The following ANO7 variants were observed in gnomAD, a reference collection of about 807,000 sequenced individuals.
ANO7 encodes the protein anoctamin 7, also known as anoctamin-7.
ANO7 carries 114 observed loss-of-function variants against 115.8 expected under a neutral mutation model. The observed-to-expected ratio is 0.98, with a 90% CI of 0.85 to 1.15. The LOEUF is 1.15. Among genes scored for constraint, ANO7 ranks in the 50% most tolerant of loss-of-function variants. The pLI is 0.00. For missense variants in ANO7, 1,302 were observed against 1,201.2 expected (o/e 1.08, Z -1.24); for synonymous variants, 550 against 498.2 (o/e 1.10, Z -1.38).
rs374051951 is a variant in ANO7, at chr2:241,214,250, T to A, written c.1729-555T>A. On this transcript the variant is annotated intron_variant, in intron 17 of 24. Coordinates refer to ENST00000674324, the MANE Select transcript of ANO7 (RefSeq NM_001370694.2). Reference sequence around the variant, plus strand: ...CAGGGAGTTTTCTTGGCTCCTGTACTGAAAACGCTCAGGGCTACGCGGGCT... The same window carrying A: ...CAGGGAGTTTTCTTGGCTCCTGTACAGAAAACGCTCAGGGCTACGCGGGCT... Among the ~76,000 whole-genome samples, 38 of 152,306 alleles carry A rather than the reference T, an allele frequency of 2.5e-4. 1 individual carries two copies. In the East Asian group the frequency reaches 4.4e-3, roughly 18 times the overall value.
chr2:241,232,713 T>G, the ANO7 span, among the ~76,000 whole-genome samples: 2 of 150,980 alleles, frequency 1.3e-5, no homozygotes, highest in Non-Finnish European at 3.0e-5. Flanking sequence ...ACTTGGGAGG[T>G]TGAGGCACGA....
intron 4 of ANO7, among the ~76,000 whole-genome samples, chr2:241,197,784 G>A (rs2068379117): frequency 6.6e-6 from 1 of 151,906 alleles, no homozygotes; most frequent in Non-Finnish European, 1.5e-5. Flanking sequence ...CCGAGTAGCT[G>A]GGATTACAGG....
At chr2:241,202,115 T>A (rs1437776148) in intron 7 of ANO7, 79 bp from the exon 8 acceptor site, 4 of 1,279,192 alleles carry the variant, frequency 3.1e-6, no homozygotes, top group Non-Finnish European at 4.5e-6. Context: ...GGCCTTGGCC[T>A]AAAGACAGGC....
rs1339893898 is a variant in ANO7, at chr2:241,190,042, C to A, written c.-7-15C>A. ...CTCTCTGACCCCCATCCCCACCCGG[C>A]CTTGCTGGGTGCAGGAGCAGGATGC... is the stretch of plus-strand genomic sequence containing the variant. On this transcript the variant is annotated splice_polypyrimidine_tract_variant and intron_variant, in intron 1 of 24. Transcript: ENST00000674324. 7 of 1,557,278 alleles carry A rather than the reference C, an allele frequency of 4.5e-6. No homozygotes were observed. The highest frequency in any genetic ancestry group is 6.1e-6 in the Non-Finnish European group (7 of 1,150,446).
At chr2:241,232,973 G>T in the ANO7 span, among the ~76,000 whole-genome samples, 8 of 149,786 alleles carry the variant, frequency 5.3e-5, no homozygotes, top group Admixed American at 1.3e-4. Flanking sequence ...GGAACAAGAA[G>T]CTGGGGAGGA....
At chr2:241,226,371 G>A (rs2149286564), downstream of ANO7, among the ~76,000 whole-genome samples, 1 of 152,210 alleles carries the variant, frequency 6.6e-6, no homozygotes, top group East Asian at 1.9e-4. Flanking sequence ...GTGCTTTGCT[G>A]TGGGTTGCAT....
the ANO7 span, among the ~76,000 whole-genome samples, chr2:241,237,666 T>C: frequency 6.6e-6 from 1 of 152,122 alleles, no homozygotes; most frequent in African/African-American, 2.4e-5. Flanking sequence ...AATGTCCTTG[T>C]TCTAAGAAAA....
At chr2:241,220,618 C>T (rs755449123) in intron 21 of ANO7, among the ~76,000 whole-genome samples, 8 of 152,142 alleles carry the variant, frequency 5.3e-5, no homozygotes, top group Non-Finnish European at 1.0e-4. Context: ...TGGTTAACAC[C>T]GTGAAACCCC....
intron 18 of ANO7, among the ~76,000 whole-genome samples, chr2:241,215,510 C>T (rs1051130246): frequency 6.6e-6 from 1 of 152,268 alleles, no homozygotes; most frequent in Admixed American, 6.5e-5. Flanking sequence ...ATTTCTGGGC[C>T]ACCAGGAATA....
chr2:241,202,991 G>A (rs2068506289), intron 8 of ANO7, among the ~76,000 whole-genome samples: 1 of 152,164 alleles, frequency 6.6e-6, no homozygotes, highest in African/African-American at 2.4e-5. Context: ...AGAATGCACA[G>A]CACAGGACAC....
At chr2:241,227,708 CTG>C (rs2069263064), downstream of ANO7, 1 of 152,546 alleles carries the variant, frequency 6.6e-6, no homozygotes, top group African/African-American at 2.4e-5. Flanking sequence ...TTTTATGACA[CTG>C]TAGAAAAGAC....
At chr2:241,228,595 T>G (rs1179073584), downstream of ANO7, 1 of 152,480 alleles carries the variant, frequency 6.6e-6, no homozygotes, top group Non-Finnish European at 1.5e-5. Flanking sequence ...CACCCCCAGC[T>G]CCACGGGAAA....
At chr2:241,202,376 G>A (rs1309911838) in intron 8 of ANO7, 72 bp downstream of exon 8, 1 of 1,436,258 alleles carries the variant, frequency 7.0e-7, no homozygotes, top group African/African-American at 1.4e-5. Flanking sequence ...TGGCCCCCAG[G>A]GAGGCGGGTG....
intron 24 of ANO7, 42 bp downstream of exon 24, chr2:241,223,997 T>C: frequency 6.2e-7 from 1 of 1,613,688 alleles, no homozygotes; most frequent in South Asian, 1.1e-5. Flanking sequence ...GTGCACTCCC[T>C]GAGGTCACAG....
chr2:241,234,095 G>A, the ANO7 span: 12 of 1,010,208 alleles, frequency 1.2e-5, no homozygotes, highest in East Asian at 2.5e-5. Context: ...GGAATGGTCC[G>A]CCATCTCTCT....
At chr2:241,230,168 A>G (rs2149308775), downstream of ANO7, 2 of 1,612,416 alleles carry the variant, frequency 1.2e-6, no homozygotes, top group Non-Finnish European at 8.5e-7. The surrounding 1 kb of genome is among the most constrained non-coding windows in gnomAD (Gnocchi z 5.0). Context: ...CCTCCTCCAG[A>G]TTGAGGATGT....
At chr2:241,209,179 G>C (rs1488371040) in intron 11 of ANO7, 106 bp from the exon 12 acceptor site, 1 of 1,294,836 alleles carries the variant, frequency 7.7e-7, no homozygotes, top group African/African-American at 1.5e-5. Flanking sequence ...CACAGTCGGG[G>C]GATGTGTGTG....
chr2:241,231,888 C>T, the ANO7 span, among the ~76,000 whole-genome samples: 3 of 98,678 alleles, frequency 3.0e-5, no homozygotes, highest in South Asian at 2.4e-4. Flanking sequence ...GACTAGAGGA[C>T]GGGGACAAAT....
At position 241,201,291 on chromosome 2, in the gene ANO7, C is replaced by T; in HGVS notation, c.555-7C>T. Reference sequence around the variant, plus strand: ...CCAAACCTTCTGCACTGTTCACATGCCCACAGCTTCCTCGGGAGTGACAAC... The same window carrying T: ...CCAAACCTTCTGCACTGTTCACATGTCCACAGCTTCCTCGGGAGTGACAAC... On this transcript the variant is annotated splice_region_variant and splice_polypyrimidine_tract_variant and intron_variant, in intron 6 of 24. Coordinates refer to ENST00000674324, the MANE Select transcript of ANO7 (RefSeq NM_001370694.2). The T allele has an allele frequency of 6.2e-7, 1 of 1,605,988 alleles. No individual in the cohort carries two copies.
Sources: allele counts gnomAD v4.1 joint callset (sites outside exome capture counted in the v4.1 genomes callset), GRCh38; gene constraint gnomAD v4.1.1; non-coding constraint Gnocchi (gnomAD v3.1); transcripts MANE v1.5; gene names NCBI Gene and HGNC (gene_info 2026-07-23, HGNC 2026-07-21).